The following COL18A1 variants were observed in gnomAD, a reference collection of about 807,000 sequenced individuals.
The protein encoded by COL18A1 is collagen type XVIII alpha 1 chain.
COL18A1 carries 133 observed loss-of-function variants against 168.0 expected under a neutral mutation model. The observed-to-expected ratio is 0.79, with a 90% CI of 0.69 to 0.91. The LOEUF (loss-of-function observed/expected upper bound fraction) is 0.91. Among genes scored for constraint, COL18A1 ranks in the 40% least tolerant of loss-of-function variants. The pLI, the probability that COL18A1 is intolerant of heterozygous loss-of-function variation, is 0.00. For synonymous variants in COL18A1, 949 were observed against 809.0 expected, an observed-to-expected ratio of 1.17 and a Z score of -2.94; for missense variants, 2,126 against 1,925.4, an observed-to-expected ratio of 1.10 and a Z score of -1.95.
chr21:45,475,613 C>T, intron 5 of COL18A1, 78 bp downstream of exon 5: 1 of 1,223,528 alleles, frequency 8.2e-7, no homozygotes, highest in Non-Finnish European at 1.2e-6. Context: ...GACACATGTG[C>T]ACACGCAGGT....
At chr21:45,442,855 G>A (rs1339544240) in intron 2 of COL18A1, among the ~76,000 whole-genome samples, 2 of 150,538 alleles carry the variant, frequency 1.3e-5, no homozygotes, top group Non-Finnish European at 3.0e-5. Flanking sequence ...GTGGGCGGAG[G>A]TCCTGGTGTG....
At chr21:45,427,280 C>T (rs2033832005) in intron 2 of COL18A1, among the ~76,000 whole-genome samples, 1 of 152,178 alleles carries the variant, frequency 6.6e-6, no homozygotes, top group Admixed American at 6.5e-5. Flanking sequence ...CCCCTGCTGT[C>T]CTGCCAGTGG....
chr21:45,480,406 G>C, intron 11 of COL18A1, 61 bp from the exon 12 acceptor site: 1 of 1,613,246 alleles, frequency 6.2e-7, no homozygotes. Flanking sequence ...GCAGGGGCCA[G>C]GAGTAGGCCA....
rs2037735846 is a variant in COL18A1 at position 45,513,624 on chromosome 21, C to T, written c.*1226C>T. 6.6e-6 allele frequency: 1 copy of T among 152,264 alleles called. No homozygotes were observed. Among genetic ancestry groups the T allele is most frequent in the Non-Finnish European group, 1.5e-5 (1 of 68,052 alleles). The allele number at this position is 152,264 out of a possible 1,614,324, so 9.4% of individuals were successfully genotyped here. ...CCACAGCACAGCCAACACGCACCTG[C>T]CTCAGGACTGCGACGAAACCGGTGG... On this transcript the variant is annotated 3_prime_UTR_variant, in exon 42 of 42. Coordinates refer to ENST00000651438, the MANE Select transcript of COL18A1 (RefSeq NM_001379500.1).
In COL18A1 at chr21:45,510,192, G is replaced by C. The variant is rs370750158; in HGVS notation, c.3624G>C (p.Ser1208=). 11 of 1,599,024 alleles carry C rather than the reference G, an allele frequency of 6.9e-6. No homozygotes were observed. The Admixed American group carries it at 1.0e-4, about 15-fold the overall frequency. Residue 1208 remains serine, a synonymous_variant, in exon 40 of 42, where the codon TCG becomes TCC. Transcript: ENST00000651438. ...GCACCTTCCGCGCCTTCCTGTCCTC[G>C]CGCCTGCAGGACCTGTACAGCATCG... is the stretch of plus-strand genomic sequence containing the variant. ...LAGTFRAFLS[S]RLQDLYSIVR... is the part of the protein sequence containing the mutation.
At chr21:45,426,164 G>A (rs2033792620) in intron 2 of COL18A1, among the ~76,000 whole-genome samples, 1 of 152,182 alleles carries the variant, frequency 6.6e-6, no homozygotes, top group Non-Finnish European at 1.5e-5. Flanking sequence ...GACTGCAGTG[G>A]TGTAATCTTG....
intron 13 of COL18A1, among the ~76,000 whole-genome samples, chr21:45,481,244 G>A (rs1042257368): frequency 6.6e-6 from 1 of 152,194 alleles, no homozygotes; most frequent in Non-Finnish European, 1.5e-5. Flanking sequence ...AACGCGGCTC[G>A]TAGGGTCTCA....
In COL18A1 at chr21:45,405,428, C is replaced by G; in HGVS notation, c.61C>G (p.Pro21Ala). The G allele has an allele frequency of 7.3e-7, 1 of 1,373,072 alleles. No individual in the cohort carries two copies. The highest frequency in any genetic ancestry group is 1.5e-5 in the African/African-American group (1 of 66,492). The allele number at this position is 1,373,072 out of a possible 1,614,324, so 85.1% of individuals were successfully genotyped here. The change falls in exon 2 of 42, where the codon CCC becomes GCC. Residue 21 changes from proline to alanine, a missense_variant. Coordinates refer to ENST00000651438, the MANE Select transcript of COL18A1 (RefSeq NM_001379500.1). ...RRRRLLDVLA[P>A]LVLLLGVRAA... is the part of the protein sequence containing the mutation. ...GCGGCGCCTCCTGGACGTGCTCGCG[C>G]CCCTGGTCCTGCTGCTCGGGGTCCG...
At chr21:45,427,858 G>A (rs761002938) in intron 2 of COL18A1, among the ~76,000 whole-genome samples, 7 of 152,214 alleles carry the variant, frequency 4.6e-5, no homozygotes, top group Non-Finnish European at 7.3e-5. Context: ...GGCAACTGGC[G>A]ATGAGCTCAG....
chr21:45,457,438 C>G lies in COL18A1; in HGVS notation c.107-10804C>G, dbSNP rs918632181. Among the ~76,000 whole-genome samples the G allele has an allele frequency of 6.6e-6, 1 of 152,216 alleles. No individual in the cohort carries two copies. The highest frequency in any genetic ancestry group is 2.1e-4 in the South Asian group (1 of 4,832). ...CTGAGAGGGAGCCTTTCATGTCCCCCTCCCCATCCTGAAGCACACAGCCTC... is the reference window on the plus strand; with the variant it reads ...CTGAGAGGGAGCCTTTCATGTCCCCGTCCCCATCCTGAAGCACACAGCCTC... On this transcript the variant is annotated intron_variant, in intron 2 of 41. Coordinates refer to ENST00000651438, the MANE Select transcript of COL18A1 (RefSeq NM_001379500.1). The surrounding 1 kb of genome is among the most constrained non-coding windows in gnomAD (Gnocchi z 4.6).
At position 45,423,600 on chromosome 21, in the gene COL18A1, C is replaced by T. The variant is rs1187436145; in HGVS notation, c.106+18127C>T. Among the ~76,000 whole-genome samples, 2 of 151,986 alleles carry T rather than the reference C, an allele frequency of 1.3e-5. No homozygotes were observed. Among genetic ancestry groups the T allele is most frequent in the Non-Finnish European group, 2.9e-5 (2 of 67,976 alleles). On this transcript the variant is annotated intron_variant, in intron 2 of 41. Coordinates refer to ENST00000651438, the MANE Select transcript of COL18A1 (RefSeq NM_001379500.1). The surrounding 1 kb of genome is among the most constrained non-coding windows in gnomAD (Gnocchi z 4.0). Reference sequence around the variant, plus strand: ...TCGGGGTCAGCCCAGGTTGTCCCCACCCCCACCTGAGTTACTGCGGAACCA... The same window carrying T: ...TCGGGGTCAGCCCAGGTTGTCCCCATCCCCACCTGAGTTACTGCGGAACCA...
intron 2 of COL18A1, among the ~76,000 whole-genome samples, chr21:45,429,411 G>A (rs904680014): frequency 1.3e-5 from 2 of 151,920 alleles, no homozygotes; most frequent in African/African-American, 4.8e-5. Context: ...TGAGGAAGGG[G>A]CAGTGCCCAC....
chr21:45,476,223 C>A, intron 5 of COL18A1, 128 bp from the exon 6 acceptor site: 3 of 1,397,658 alleles, frequency 2.1e-6, no homozygotes, highest in Non-Finnish European at 1.9e-6. Context: ...CCCTGGAGCA[C>A]CCTCCTGTTT....
chr21:45,505,446 A>C lies in COL18A1; in HGVS notation c.3087+15A>C, dbSNP rs1173144623. ...CCTCCTCAGGGGTAAGTGTCTGGGC[A>C]GCCGGCTGGGCACCTGCGTCCCGTG... On this transcript the variant is annotated intron_variant, in intron 36 of 41. Coordinates refer to ENST00000651438, the MANE Select transcript of COL18A1 (RefSeq NM_001379500.1). 4.8e-6 allele frequency: 7 copies of C among 1,461,502 alleles called. No homozygotes were observed. In the African/African-American group the frequency reaches 8.3e-5, roughly 17 times the overall value. 90.5% of individuals were successfully genotyped at this position (1,461,502 alleles called of 1,614,324 possible).
At chr21:45,493,426 T>C (rs1664683897) in intron 25 of COL18A1, 75 bp from the exon 26 acceptor site, 2 of 1,425,548 alleles carry the variant, frequency 1.4e-6, no homozygotes, top group Non-Finnish European at 1.9e-6. Context: ...ACAGCGGCCC[T>C]GCCTTCGGGG....
chr21:45,479,327 GA>G (rs2035801408), intron 9 of COL18A1, among the ~76,000 whole-genome samples: 1 of 149,448 alleles, frequency 6.7e-6, no homozygotes, highest in African/African-American at 2.5e-5. Context: ...ACCACACGTG[GA>G]TACACTTGCA....
chr21:45,448,493 A>C (rs1008899065), intron 2 of COL18A1, among the ~76,000 whole-genome samples: 1 of 152,232 alleles, frequency 6.6e-6, no homozygotes, highest in Admixed American at 6.5e-5. Flanking sequence ...ATATCCATGC[A>C]TGCATGTATC....
Position 45,497,035 on chromosome 21 carries a change from C to A in COL18A1, c.2578-15C>A, listed in dbSNP as rs547186326. ...AACATCGCCCTCAGCAGCCGCCTCT[C>A]CCCGTTCCTTGCAGGTGTTTGCTGA... is the stretch of plus-strand genomic sequence containing the variant. On this transcript the variant is annotated splice_polypyrimidine_tract_variant and intron_variant, in intron 30 of 41. Coordinates refer to ENST00000651438, the MANE Select transcript of COL18A1 (RefSeq NM_001379500.1). 3 of 1,597,756 alleles carry A rather than the reference C, an allele frequency of 1.9e-6. No individual in the cohort carries two copies. The highest frequency in any genetic ancestry group is 2.2e-5 in the East Asian group (1 of 44,802).
intron 6 of COL18A1, among the ~76,000 whole-genome samples, chr21:45,476,763 T>TGTATTGTGTGTG (rs2035677670): frequency 1.3e-5 from 2 of 150,006 alleles, no homozygotes; most frequent in South Asian, 4.2e-4. Flanking sequence ...CAGTGTGTGG[T>TGTATTGTGTGTG]GTGTGTATTG....
Sources: gnomAD v4.1 joint callset for allele counts (sites outside exome capture counted in the v4.1 genomes callset) on GRCh38, gnomAD v4.1.1 for gene constraint, Gnocchi (gnomAD v3.1) non-coding constraint, MANE v1.5 for transcripts, NCBI Gene and HGNC (gene_info 2026-07-23, HGNC 2026-07-21) for gene names.